The following SNTB1 variants were observed in gnomAD, a reference collection of about 807,000 sequenced individuals.
SNTB1 encodes the protein beta-1-syntrophin.
Under a neutral mutation model 48.9 loss-of-function variants are expected in SNTB1, and 36 were observed. The ratio of observed to expected loss-of-function variants is 0.74; its 90% CI spans 0.56 to 0.97. SNTB1 has a LOEUF of 0.97. Among genes scored for constraint, SNTB1 ranks in the 50% least tolerant of loss-of-function variants. The probability of loss-of-function intolerance (pLI) is 0.00; values close to 1 mark genes in which losing one functional copy is unlikely to be tolerated. For missense variants in SNTB1, 786 were observed against 703.4 expected, an observed-to-expected ratio of 1.12 and a Z score of -1.33; for synonymous variants, 299 against 294.6, an observed-to-expected ratio of 1.01 and a Z score of -0.15.
Position 120,548,775 on chromosome 8 carries a change from A to G in SNTB1, c.1320T>C (p.Ala440=), listed in dbSNP as rs1264584066. The G allele has an allele frequency of 6.2e-7, 1 of 1,614,052 alleles. No homozygotes were observed. The highest frequency in any genetic ancestry group is 1.1e-5 in the South Asian group (1 of 91,072). Residue 440 remains alanine (A), a synonymous_variant, in exon 5 of 7, where the codon GCT becomes GCC. Transcript: ENST00000517992. ...QGCHNSAELI[A]EISTACTYKN... ...TGCAGTACTCACCAGTGCTGATTTC[A>G]GCAATGAGTTCAGCAGAATTGTGGC...
intron 1 of SNTB1, chr8:120,761,487 A>G (rs1216581855): frequency 2.0e-5 from 3 of 152,232 alleles, no homozygotes; most frequent in South Asian, 2.1e-4. Flanking sequence ...GGAAAAATTG[A>G]TCTAGACTTT....
intron 1 of SNTB1, among the ~76,000 whole-genome samples, chr8:120,759,220 A>G (rs568322748): frequency 1.3e-5 from 2 of 152,330 alleles, no homozygotes; most frequent in East Asian, 3.9e-4. Context: ...GTATTATAGG[A>G]CATACATGAG....
At chr8:120,565,245 G>T (rs1272982933) in intron 4 of SNTB1, among the ~76,000 whole-genome samples, 1 of 152,016 alleles carries the variant, frequency 6.6e-6, no homozygotes, top group Admixed American at 6.6e-5. Flanking sequence ...AATAGAAGAG[G>T]GGTTAACAAA....
intron 2 of SNTB1, among the ~76,000 whole-genome samples, chr8:120,642,203 T>C (rs1196225453): frequency 6.6e-6 from 1 of 152,200 alleles, no homozygotes; most frequent in Non-Finnish European, 1.5e-5. Context: ...CATGGAATGG[T>C]GAACTGAGCT....
rs1280465336 is a variant in SNTB1 at position 120,544,204 on chromosome 8, T to C, written c.1334-2204A>G. Among the ~76,000 whole-genome samples the C allele has an allele frequency of 1.6e-4, 24 of 152,216 alleles. 1 individual carries two copies. The highest frequency in any genetic ancestry group is 1.6e-3 in the Admixed American group (24 of 15,276). Reference sequence around the variant, plus strand: ...AATGTTAAAGCTATACCTTCAGATATTCTGAATTAACTGATTGTGATTACT... The same window carrying C: ...AATGTTAAAGCTATACCTTCAGATACTCTGAATTAACTGATTGTGATTACT... On this transcript the variant is annotated intron_variant, in intron 5 of 6. Transcript: ENST00000517992.
intron 3 of SNTB1, among the ~76,000 whole-genome samples, chr8:120,595,017 G>C (rs916146536): frequency 1.3e-5 from 2 of 151,968 alleles, no homozygotes; most frequent in African/African-American, 4.8e-5. Flanking sequence ...GTGAAGGCAA[G>C]AGTCAAGCAG....
intron 1 of SNTB1, among the ~76,000 whole-genome samples, chr8:120,709,528 G>A (rs1818429402): frequency 1.3e-5 from 2 of 152,164 alleles, no homozygotes; most frequent in Admixed American, 6.5e-5. Context: ...AGCACTTATT[G>A]AGCACTAACT....
At chr8:120,639,559 G>C (rs1444262804) in intron 2 of SNTB1, among the ~76,000 whole-genome samples, 1 of 152,136 alleles carries the variant, frequency 6.6e-6, no homozygotes, top group Non-Finnish European at 1.5e-5. Context: ...TTTTGTATAA[G>C]GTGTAAGGAA....
In SNTB1 at chr8:120,693,802, G is replaced by A; in HGVS notation, c.678C>T (p.Thr226=). 1 of 1,614,128 alleles carries A rather than the reference G, an allele frequency of 6.2e-7. No homozygotes were observed. Among genetic ancestry groups the A allele is most frequent in the Non-Finnish European group, 8.5e-7 (1 of 1,179,972 alleles). The part of the protein sequence containing the change: ...PPESPRLGGS[T]SDPPSSQSFS... ...AGGACTGCGATGACGGGGGGTCTGAGGTGCTGCCCCCTAACCGAGGGGATT... is the reference window on the plus strand; with the variant it reads ...AGGACTGCGATGACGGGGGGTCTGAAGTGCTGCCCCCTAACCGAGGGGATT... Residue 226 remains threonine (T), a synonymous_variant, in exon 2 of 7, where the codon ACC becomes ACT. Coordinates refer to ENST00000517992, the MANE Select transcript of SNTB1 (RefSeq NM_021021.4).
At position 120,605,993 on chromosome 8, in the gene SNTB1, C is replaced by T. The variant is rs371176600; in HGVS notation, c.996+26451G>A. On this transcript the variant is annotated intron_variant, in intron 3 of 6. Coordinates refer to ENST00000517992, the MANE Select transcript of SNTB1 (RefSeq NM_021021.4). Reference sequence around the variant, plus strand: ...ATGTCAATTAGATTTCGCCCCTACTCGTCCCTGCATCTGGGAACCTTTGTG... The same window carrying T: ...ATGTCAATTAGATTTCGCCCCTACTTGTCCCTGCATCTGGGAACCTTTGTG... Among the ~76,000 whole-genome samples, 34 of 152,146 alleles carry T rather than the reference C, an allele frequency of 2.2e-4. No individual in the cohort carries two copies. The East Asian group carries it at 5.2e-3, about 23-fold the overall frequency.
At chr8:120,550,200 C>T (rs1815455914) in intron 4 of SNTB1, among the ~76,000 whole-genome samples, 1 of 152,088 alleles carries the variant, frequency 6.6e-6, no homozygotes, top group African/African-American at 2.4e-5. Flanking sequence ...GCAATGCCAA[C>T]TCAAAGAAAA....
At chr8:120,636,285 A>C in intron 2 of SNTB1, among the ~76,000 whole-genome samples, 1 of 148,726 alleles carries the variant, frequency 6.7e-6, no homozygotes, top group Non-Finnish European at 1.5e-5. Context: ...GTACATGTAC[A>C]CATTGTGCAG....
In SNTB1 at chr8:120,740,178, T is replaced by C. The variant is rs371547002; in HGVS notation, c.572-46270A>G. On this transcript the variant is annotated intron_variant, in intron 1 of 6. Coordinates refer to ENST00000517992, the MANE Select transcript of SNTB1 (RefSeq NM_021021.4). ...CTTATATATTTGGCTGAAGACAAGATGGTCCATAGCAGCTGCTGCCCTCAT... is the reference window on the plus strand; with the variant it reads ...CTTATATATTTGGCTGAAGACAAGACGGTCCATAGCAGCTGCTGCCCTCAT... Among the ~76,000 whole-genome samples, 11 of 152,302 alleles carry C rather than the reference T, an allele frequency of 7.2e-5. No homozygotes were observed. In the East Asian group the frequency reaches 9.6e-4, roughly 13 times the overall value.
At chr8:120,564,564 G>GTCTT (rs1801771407) in intron 4 of SNTB1, among the ~76,000 whole-genome samples, 1 of 84,214 alleles carries the variant, frequency 1.2e-5, no homozygotes, top group African/African-American at 4.5e-5. Flanking sequence ...TATTATTCTG[G>GTCTT]TTTTTTTTTT....
intron 1 of SNTB1, among the ~76,000 whole-genome samples, chr8:120,790,135 G>C (rs1329355632): frequency 5.9e-5 from 9 of 151,670 alleles, no homozygotes; most frequent in Non-Finnish European, 1.2e-4. Flanking sequence ...AAAAACAAAA[G>C]CCTTATGAAC....
chr8:120,572,422 G>A (rs72680564), intron 4 of SNTB1, among the ~76,000 whole-genome samples: 53 of 152,164 alleles, frequency 3.5e-4, no homozygotes, highest in African/African-American at 1.2e-3. Flanking sequence ...AGAAACAGGT[G>A]TAGAAGGAAT....
chr8:120,763,450 T>C (rs73323189), intron 1 of SNTB1, among the ~76,000 whole-genome samples: 3,551 of 152,266 alleles, frequency 0.023, 133 homozygotes, highest in African/African-American at 0.077. Flanking sequence ...GTCTTTGTGC[T>C]ACCCTTTGGA....
intron 2 of SNTB1, among the ~76,000 whole-genome samples, chr8:120,655,473 G>T (rs764916604): frequency 2.7e-4 from 41 of 152,154 alleles, no homozygotes; most frequent in Non-Finnish European, 4.6e-4. Context: ...TGGTATTAAT[G>T]TGTCTATTTC....
At chr8:120,691,559 C>T (rs1306637878) in intron 2 of SNTB1, among the ~76,000 whole-genome samples, 1 of 152,032 alleles carries the variant, frequency 6.6e-6, no homozygotes, top group Non-Finnish European at 1.5e-5. Context: ...GAGTTCATTC[C>T]CTTATCAAAG....
Sources: gnomAD v4.1 joint callset for allele counts (sites outside exome capture counted in the v4.1 genomes callset) on GRCh38, gnomAD v4.1.1 for gene constraint, MANE v1.5 for transcripts, NCBI Gene and HGNC (gene_info 2026-07-23, HGNC 2026-07-21) for gene names.